The following PCDHGB5 variants were observed in gnomAD, a reference collection of about 807,000 sequenced individuals.
PCDHGB5 encodes the protein protocadherin gamma subfamily B, 5.
A neutral mutation model predicts 62.9 loss-of-function variants in PCDHGB5; 48 were observed. That is an observed-to-expected ratio of 0.76 (90% CI 0.61 to 0.97). The LOEUF is 0.97. Among genes scored for constraint, PCDHGB5 ranks in the 50% least tolerant of loss-of-function variants. PCDHGB5 has a pLI of 0.00. For missense variants in PCDHGB5, 1,118 were observed against 1,198.6 expected (o/e 0.93, Z 0.99); for synonymous variants, 474 against 511.2 (o/e 0.93, Z 0.98).
At chr5:141,410,312 C>T (rs754522489) in intron 1 of PCDHGB5, 9 of 1,614,036 alleles carry the variant, frequency 5.6e-6, no homozygotes, top group South Asian at 3.3e-5. Context: ...AGTGCTCTTC[C>T]TCCTCGCCGT....
chr5:141,447,168 T>C (rs1027377060), intron 1 of PCDHGB5, among the ~76,000 whole-genome samples: 2 of 152,174 alleles, frequency 1.3e-5, no homozygotes, highest in Non-Finnish European at 2.9e-5. Context: ...AAGCGGGGTC[T>C]TGCTCTTGTC....
chr5:141,442,343 G>C (rs1300318674), intron 1 of PCDHGB5: 1 of 152,336 alleles, frequency 6.6e-6, no homozygotes, highest in Non-Finnish European at 1.5e-5. Flanking sequence ...CAGGTTTCTG[G>C]GTAACTGTAG....
At position 141,400,271 on chromosome 5, in the gene PCDHGB5, C is replaced by A. The variant is rs2093993934; in HGVS notation, c.2144C>A (p.Ser715Tyr). The A allele has an allele frequency of 4.3e-6, 7 of 1,614,094 alleles. No individual in the cohort carries two copies. In the African/African-American group the frequency reaches 9.3e-5, roughly 21 times the overall value. ...LAVALRLRRS[S>Y]SPAAWSCFQP... The stretch of plus-strand genomic sequence containing the variant: ...GTTGCCTTGCGCCTGCGACGCTCCT[C>A]CAGCCCTGCCGCCTGGAGCTGCTTC... The change falls in exon 1 of 4, where the codon TCC (serine) becomes TAC (tyrosine). Residue 715 changes from serine to tyrosine, a missense_variant. Transcript: ENST00000617380.
intron 1 of PCDHGB5, chr5:141,414,866 C>T: frequency 6.2e-7 from 1 of 1,614,230 alleles, no homozygotes; most frequent in Non-Finnish European, 8.5e-7. Flanking sequence ...GACAATGCGC[C>T]CGAGATCCTG....
chr5:141,444,184 T>TG, intron 1 of PCDHGB5, among the ~76,000 whole-genome samples: 1 of 138,886 alleles, frequency 7.2e-6, no homozygotes, highest in South Asian at 2.4e-4. Flanking sequence ...TTTTTTTTTT[T>TG]TTTTGAGATG....
At chr5:141,414,861 T>C in intron 1 of PCDHGB5, 1 of 1,614,118 alleles carries the variant, frequency 6.2e-7, no homozygotes, top group Admixed American at 1.7e-5. Context: ...AGAACGACAA[T>C]GCGCCCGAGA....
rs374575578 is a variant in PCDHGB5 at position 141,409,643 on chromosome 5, T to G, written c.2397+9119T>G. 4.3e-6 allele frequency: 7 copies of G among 1,613,620 alleles called. No homozygotes were observed. The African/African-American group carries it at 8.0e-5, about 18-fold the overall frequency. ...GCAAGTGAGCGCCTCTGACCCGGAT[T>G]TGGGGCTCAATGGCCACATCTCCTA... On this transcript the variant is annotated intron_variant, in intron 1 of 3. Coordinates refer to ENST00000617380, the MANE Select transcript of PCDHGB5 (RefSeq NM_018925.3).
chr5:141,432,416 C>T lies in PCDHGB5; in HGVS notation c.2397+31892C>T. 4 of 1,614,258 alleles carry T rather than the reference C, an allele frequency of 2.5e-6. No individual in the cohort carries two copies. Among genetic ancestry groups the T allele is most frequent in the Non-Finnish European group, 3.4e-6 (4 of 1,180,048 alleles). ...CAACGTGTCGTTGAGCCTGTTCGTG[C>T]TGGACCAGAACGACAATGCGCCCGA... On this transcript the variant is annotated intron_variant, in intron 1 of 3. Coordinates refer to ENST00000617380, the MANE Select transcript of PCDHGB5 (RefSeq NM_018925.3). The surrounding 1 kb of genome is among the most constrained non-coding windows in gnomAD (Gnocchi z 6.0).
At chr5:141,427,914 A>C in intron 1 of PCDHGB5, 1 of 1,576,800 alleles carries the variant, frequency 6.3e-7, no homozygotes, top group Non-Finnish European at 8.7e-7. Flanking sequence ...CAGCGCCAAC[A>C]TGAGCCGGCG....
Position 141,399,036 on chromosome 5 carries a change from G to A in PCDHGB5, c.909G>A (p.Leu303=). Reference sequence around the variant, plus strand: ...GAGAAATTACCACTCAAAAGAAACTGGATTTTGAAGAGACCAAGGAATATT... The same window carrying A: ...GAGAAATTACCACTCAAAAGAAACTAGATTTTGAAGAGACCAAGGAATATT... ...KSGEITTQKK[L]DFEETKEYSM... Residue 303 remains leucine, a synonymous_variant, in exon 1 of 4, where the codon CTG becomes CTA. Transcript: ENST00000617380. 6.2e-7 allele frequency: 1 copy of A among 1,613,800 alleles called. No individual in the cohort carries two copies. The highest frequency in any genetic ancestry group is 1.3e-5 in the African/African-American group (1 of 75,042).
At position 141,486,417 on chromosome 5, in the gene PCDHGB5, G is replaced by T. The variant is rs1298448753; in HGVS notation, c.2398-8390G>T. On this transcript the variant is annotated intron_variant, in intron 1 of 3. Transcript: ENST00000617380. The surrounding 1 kb of genome is among the most constrained non-coding windows in gnomAD (Gnocchi z 5.0). ...CTGGTGACTGCTGGACCCTTGGATCGAGAGGCCAAATCTAGCTATGACATC... is the reference window on the plus strand; with the variant it reads ...CTGGTGACTGCTGGACCCTTGGATCTAGAGGCCAAATCTAGCTATGACATC... The T allele has an allele frequency of 6.2e-7, 1 of 1,614,014 alleles. No homozygotes were observed. The highest frequency in any genetic ancestry group is 1.7e-5 in the Admixed American group (1 of 60,010).
chr5:141,404,992 C>G (rs2094593837), intron 1 of PCDHGB5: 5 of 1,613,876 alleles, frequency 3.1e-6, no homozygotes, highest in Admixed American at 3.3e-5. Context: ...GTCTTCAGAT[C>G]CCTGCAGACC....
intron 1 of PCDHGB5, chr5:141,403,657 A>G (rs753978186): frequency 2.5e-6 from 4 of 1,613,924 alleles, no homozygotes; most frequent in East Asian, 2.2e-5. Context: ...TGTTGGATAC[A>G]AATGATAATG....
At chr5:141,464,156 T>C (rs2099077051) in intron 1 of PCDHGB5, among the ~76,000 whole-genome samples, 2 of 151,752 alleles carry the variant, frequency 1.3e-5, no homozygotes, top group Non-Finnish European at 1.5e-5. Context: ...TCCCAGCTAC[T>C]TGGAAGGCTG....
chr5:141,400,067 A>G lies in PCDHGB5; in HGVS notation c.1940A>G (p.Gln647Arg), dbSNP rs761746196. The change falls in exon 1 of 4, where the codon CAG becomes CGG. Residue 647 changes from glutamine to arginine, a missense_variant. Around this residue, in one of 2 missense-constraint regions of PCDHGB5, gnomAD observed 1,034 missense variants for 1,029.1 expected, o/e 1.00. Coordinates refer to ENST00000617380, the MANE Select transcript of PCDHGB5 (RefSeq NM_018925.3). ...RLLVAVRDGG[Q>R]PPLSATATLH... ...CTGGTTGCTGTGCGTGATGGTGGAC[A>G]GCCGCCACTCTCCGCCACCGCCACG... is the stretch of plus-strand genomic sequence containing the variant. 1.3e-5 allele frequency: 21 copies of G among 1,613,654 alleles called. No individual in the cohort carries two copies. The highest frequency in any genetic ancestry group is 1.7e-4 in the Middle Eastern group (1 of 5,998).
Position 141,415,739 on chromosome 5 carries a change from GGTTTT to G in PCDHGB5, c.2397+15216_2397+15220del, listed in dbSNP as rs2095909931. ...ATGAGTAGAATTTGATGTTTATTAA[GGTTTT>G]TTTTTTTTTTTTTTTTTTTTTTTTT... On this transcript the variant is annotated intron_variant, in intron 1 of 3. Transcript: ENST00000617380. 124 of 435,052 alleles carry G rather than the reference GGTTTT, an allele frequency of 2.9e-4. No homozygotes were observed. The African/African-American group carries it at 3.6e-3, about 13-fold the overall frequency. 26.9% of individuals were successfully genotyped at this position (435,052 alleles called of 1,614,324 possible).
At chr5:141,409,687 C>A (rs1190888512) in intron 1 of PCDHGB5, 2 of 1,613,202 alleles carry the variant, frequency 1.2e-6, no homozygotes, top group East Asian at 4.5e-5. Context: ...TGGCGAGTGA[C>A]CTAGAGCCCC....
Position 141,511,207 on chromosome 5 carries a change from T to A in PCDHGB5, c.*34T>A, listed in dbSNP as rs773761839. ...CCAGGCCAAGAGCCACAGGGCGGCC[T>A]CTCCCCAACCAGCCCAGCTTCTCCT... On this transcript the variant is annotated 3_prime_UTR_variant, in exon 4 of 4. Transcript: ENST00000617380. 1 of 1,611,162 alleles carries A rather than the reference T, an allele frequency of 6.2e-7. No individual in the cohort carries two copies. The highest frequency in any genetic ancestry group is 1.1e-5 in the South Asian group (1 of 90,702).
intron 1 of PCDHGB5, chr5:141,428,064 G>A: frequency 6.2e-7 from 1 of 1,609,060 alleles, no homozygotes; most frequent in East Asian, 2.2e-5. Flanking sequence ...GGCGGTGGAC[G>A]CAGATTCGGG....
Sources: gnomAD v4.1 joint callset for allele counts (sites outside exome capture counted in the v4.1 genomes callset) on GRCh38, gnomAD v4.1.1 for gene constraint, gnomAD v4.1.1 regional missense constraint, Gnocchi (gnomAD v3.1) non-coding constraint, MANE v1.5 for transcripts, NCBI Gene and HGNC (gene_info 2026-07-23, HGNC 2026-07-21) for gene names.